FAAH2: variants seen among roughly 807,000 people sequenced by gnomAD.
FAAH2 encodes the protein fatty acid amide hydrolase 2, also known as fatty-acid amide hydrolase 2.
FAAH2 carries 60 observed loss-of-function variants against 36.9 expected under a neutral mutation model. The observed-to-expected ratio is 1.63, with a 90% CI of 1.32 to 2.02. FAAH2 has a LOEUF of 2.02. FAAH2 is among the 30% of genes most tolerant of loss of function. The probability of loss-of-function intolerance (pLI) is 0.00; values close to 1 mark genes in which losing one functional copy is unlikely to be tolerated. For missense variants in FAAH2, 689 were observed against 397.5 expected (o/e 1.73, Z -6.23); for synonymous variants, 214 against 143.8 (o/e 1.49, Z -3.49).
the FAAH2 span, among the ~76,000 whole-genome samples, chrX:57,241,657 A>T: frequency 1.0e-3 from 112 of 111,706 alleles, 1 homozygote; most frequent in African/African-American, 3.3e-3. Flanking sequence ...AGCAGTATAC[A>T]CTGTACTCAA....
intron 7 of FAAH2, among the ~76,000 whole-genome samples, chrX:57,405,247 C>G (rs1472151521): frequency 9.0e-6 from 1 of 111,395 alleles, no homozygotes; most frequent in Non-Finnish European, 1.9e-5. Flanking sequence ...GGTGGCGGGC[C>G]ACTTCAAAGA....
At chrX:57,180,264 A>C in the FAAH2 span, among the ~76,000 whole-genome samples, 1 of 111,953 alleles carries the variant, frequency 8.9e-6, no homozygotes, top group South Asian at 3.7e-4. Context: ...AACCAAAATC[A>C]GAGCTGAACT....
At chrX:57,180,463 A>T in the FAAH2 span, among the ~76,000 whole-genome samples, 2 of 111,954 alleles carry the variant, frequency 1.8e-5, no homozygotes, top group Admixed American at 1.9e-4. Context: ...TGGTTATACA[A>T]ATAACAATCA....
At chrX:57,388,711 C>T (rs912797041) in intron 7 of FAAH2, among the ~76,000 whole-genome samples, 1 of 111,197 alleles carries the variant, frequency 9.0e-6, no homozygotes, top group Non-Finnish European at 1.9e-5. Context: ...CAATATCATA[C>T]AGAATAGTAG....
At position 57,427,957 on chromosome X, in the gene FAAH2, A is replaced by G. The variant is rs748291543; in HGVS notation, c.997-3961A>G. Reference sequence around the variant, plus strand: ...GCCCTCTGAATTTAAAAAGAAGTCAAATTATTTCTGTTTGCTGATAATATG... The same window carrying G: ...GCCCTCTGAATTTAAAAAGAAGTCAGATTATTTCTGTTTGCTGATAATATG... On this transcript the variant is annotated intron_variant, in intron 7 of 10. Coordinates refer to ENST00000374900, the MANE Select transcript of FAAH2 (RefSeq NM_174912.4). 1.1e-3 allele frequency among the ~76,000 whole-genome samples: 118 copies of G among 111,835 alleles called. 1 individual carries two copies. The highest frequency in any genetic ancestry group is 1.4e-3 in the Non-Finnish European group (72 of 53,063).
the FAAH2 span, among the ~76,000 whole-genome samples, chrX:57,168,252 C>T: frequency 9.1e-6 from 1 of 110,133 alleles, no homozygotes; most frequent in Non-Finnish European, 1.9e-5. Context: ...ATCAGTTTTT[C>T]CAAGGATCCC....
At chrX:57,395,371 G>A (rs188213301) in intron 7 of FAAH2, 427 of 703,676 alleles carry the variant, frequency 6.1e-4, no homozygotes, top group African/African-American at 2.4e-3. Context: ...TTATTTGTGC[G>A]GAGATCTCCT....
At chrX:57,223,101 C>G in the FAAH2 span, among the ~76,000 whole-genome samples, 5 of 112,446 alleles carry the variant, frequency 4.4e-5, no homozygotes, top group South Asian at 1.9e-3. Flanking sequence ...AAAAACGAGG[C>G]TTCCTAATTG....
Position 57,396,848 on chromosome X carries a change from C to T in FAAH2, c.996+15819C>T, listed in dbSNP as rs186478811. On this transcript the variant is annotated intron_variant, in intron 7 of 10. Coordinates refer to ENST00000374900, the MANE Select transcript of FAAH2 (RefSeq NM_174912.4). ...GTCAAATGTTGTGTAAATATCTATG[C>T]GGTTCATTTGGTCTGGGTCCAATTT... Among the ~76,000 whole-genome samples, 351 of 111,693 alleles carry T rather than the reference C, an allele frequency of 3.1e-3. 1 individual carries two copies. The highest frequency in any genetic ancestry group is 0.01 in the African/African-American group (323 of 30,765).
the FAAH2 span, among the ~76,000 whole-genome samples, chrX:57,176,915 G>A: frequency 4.5e-5 from 5 of 110,915 alleles, no homozygotes; most frequent in African/African-American, 1.3e-4. Flanking sequence ...GCTTCTAGTA[G>A]TGATGTGCTA....
At chrX:57,315,509 A>C (rs2052811285) in intron 3 of FAAH2, among the ~76,000 whole-genome samples, 1 of 111,518 alleles carries the variant, frequency 9.0e-6, no homozygotes, top group South Asian at 3.7e-4. Context: ...AAAAATCCTC[A>C]ATAAAATTCT....
chrX:57,255,430 C>T, the FAAH2 span, among the ~76,000 whole-genome samples: 1 of 111,773 alleles, frequency 8.9e-6, no homozygotes, highest in African/African-American at 3.3e-5. Context: ...GTTTATGAGG[C>T]CAGCATCATC....
At chrX:57,408,847 C>T (rs2055631307) in intron 7 of FAAH2, among the ~76,000 whole-genome samples, 1 of 111,273 alleles carries the variant, frequency 9.0e-6, no homozygotes, top group Non-Finnish European at 1.9e-5. Flanking sequence ...ATCCTTCATT[C>T]TGGTAATGTG....
intron 7 of FAAH2, among the ~76,000 whole-genome samples, chrX:57,384,122 T>A (rs2054939750): frequency 9.0e-6 from 1 of 110,711 alleles, no homozygotes; most frequent in African/African-American, 3.3e-5. Context: ...GCTAGCCATA[T>A]GTAGAAAGCT....
intron 10 of FAAH2, among the ~76,000 whole-genome samples, chrX:57,475,634 C>T (rs770722875): frequency 8.9e-6 from 1 of 111,829 alleles, no homozygotes; most frequent in Admixed American, 9.5e-5. Flanking sequence ...CATGATTCCT[C>T]CAGCTTTGTT....
chrX:57,306,463 A>G (rs778352934), intron 2 of FAAH2, among the ~76,000 whole-genome samples: 1 of 110,315 alleles, frequency 9.1e-6, no homozygotes, highest in East Asian at 2.9e-4. Flanking sequence ...TCACAATTTG[A>G]CAAATTATGA....
chrX:57,306,994 G>GATAC (rs1555964889), intron 2 of FAAH2, among the ~76,000 whole-genome samples: 11 of 31,016 alleles, frequency 3.5e-4, no homozygotes, highest in African/African-American at 7.9e-4. Flanking sequence ...CACACACACA[G>GATAC]ATACATATAT....
chrX:57,271,455 G>A, the FAAH2 span, among the ~76,000 whole-genome samples: 1 of 112,375 alleles, frequency 8.9e-6, no homozygotes, highest in Admixed American at 9.4e-5. Flanking sequence ...CCTGACCCCC[G>A]TGTGTACTGA....
At chrX:57,247,684 G>A in the FAAH2 span, among the ~76,000 whole-genome samples, 3 of 111,935 alleles carry the variant, frequency 2.7e-5, no homozygotes, top group Non-Finnish European at 5.6e-5. Flanking sequence ...TGTAAGACAG[G>A]GAGAAGTAAA....
Sources: gnomAD v4.1 joint callset for allele counts (sites outside exome capture counted in the v4.1 genomes callset) on GRCh38, gnomAD v4.1.1 for gene constraint, MANE v1.5 for transcripts, NCBI Gene and HGNC (gene_info 2026-07-23, HGNC 2026-07-21) for gene names.